ZZEF1: variants seen among roughly 807,000 people sequenced by gnomAD.
ZZEF1 encodes zinc finger ZZ-type and EF-hand domain-containing protein 1.
A neutral mutation model predicts 342.8 loss-of-function variants in ZZEF1; 157 were observed. That is an observed-to-expected ratio of 0.46 (90% CI 0.40 to 0.52). ZZEF1 has a LOEUF of 0.52. ZZEF1 is among the 20% of genes least tolerant of loss of function. ZZEF1 has a pLI of 0.00. For synonymous variants in ZZEF1, 1,505 were observed against 1,429.1 expected, an observed-to-expected ratio of 1.05 and a Z score of -1.20; for missense variants, 3,480 against 3,725.6, an observed-to-expected ratio of 0.93 and a Z score of 1.72.
At chr17:4,111,224 C>CT (rs2058292138) in intron 5 of ZZEF1, among the ~76,000 whole-genome samples, 1 of 151,994 alleles carries the variant, frequency 6.6e-6, no homozygotes, top group African/African-American at 2.4e-5. Context: ...CATACACACA[C>CT]TTACACACAC....
intron 13 of ZZEF1, 35 bp from the exon 14 acceptor site, chr17:4,087,569 GA>G: frequency 1.9e-6 from 3 of 1,549,100 alleles, no homozygotes; most frequent in Non-Finnish European, 1.8e-6. Flanking sequence ...AAATAAAACT[GA>G]AAAATGCATT....
At chr17:4,111,287 A>G (rs2058293661) in intron 5 of ZZEF1, among the ~76,000 whole-genome samples, 1 of 152,204 alleles carries the variant, frequency 6.6e-6, no homozygotes, top group South Asian at 2.1e-4. Context: ...AGGCAATCAT[A>G]GTAACAATCC....
chr17:4,006,442 C>G lies in ZZEF1; in HGVS notation c.*448G>C, dbSNP rs1024615682. The stretch of plus-strand genomic sequence containing the variant: ...TTGGTGTGAAAAGCAAAGAGGTGCT[C>G]CCAGGCTGGGCAGCCACTGGGGGTC... On this transcript the variant is annotated 3_prime_UTR_variant, in exon 55 of 55. Coordinates refer to ENST00000381638, the MANE Select transcript of ZZEF1 (RefSeq NM_015113.4). 1 of 246,600 alleles carries G rather than the reference C, an allele frequency of 4.1e-6. No homozygotes were observed. The allele number at this position is 246,600 out of a possible 1,614,324, so 15.3% of individuals were successfully genotyped here. A position where few individuals can be genotyped will look rare whatever the true frequency, so the allele number is the denominator to read the frequency against.
chr17:4,085,589 T>C, intron 16 of ZZEF1, 81 bp downstream of exon 16: 3 of 1,557,890 alleles, frequency 1.9e-6, no homozygotes, highest in East Asian at 2.3e-5. Flanking sequence ...CAACAGACGA[T>C]ATATTCAGAG....
chr17:4,048,442 C>T (rs139586042), intron 37 of ZZEF1, among the ~76,000 whole-genome samples: 1 of 152,316 alleles, frequency 6.6e-6, no homozygotes, highest in Non-Finnish European at 1.5e-5. Flanking sequence ...ACAGCAACAT[C>T]AGCGACCCCT....
rs1484338807 is a variant in ZZEF1 at position 4,050,764 on chromosome 17, G to A, written c.5863+17C>T. ...CAACTGAGGGCTGGTTTTGGTTTCT[G>A]TGCATTGGGAAGTCACCTTTTCCCT... On this transcript the variant is annotated intron_variant, in intron 36 of 54. Transcript: ENST00000381638. The A allele has an allele frequency of 3.1e-6, 5 of 1,612,634 alleles. No homozygotes were observed. In the African/African-American group the frequency reaches 6.7e-5, roughly 22 times the overall value.
In ZZEF1 at chr17:4,014,089, C is replaced by T; in HGVS notation, c.8413+1G>A. 6.2e-7 allele frequency: 1 copy of T among 1,614,044 alleles called. No individual in the cohort carries two copies. Among genetic ancestry groups the T allele is most frequent in the Non-Finnish European group, 8.5e-7 (1 of 1,179,974 alleles). The stretch of plus-strand genomic sequence containing the variant: ...GTGAACGCAAAGCCCAGAGCACACA[C>T]CTGTCTGGAACCGCCCCAGGTGTCC... On this transcript the variant is annotated splice_donor_variant, in intron 51 of 54. Coordinates refer to ENST00000381638, the MANE Select transcript of ZZEF1 (RefSeq NM_015113.4). LOFTEE classifies it high-confidence loss of function. The surrounding 1 kb of genome is among the most constrained non-coding windows in gnomAD (Gnocchi z 4.4).
At position 4,051,951 on chromosome 17, in the gene ZZEF1, G is replaced by A. The variant is rs545298172; in HGVS notation, c.5600+20C>T. 78 of 1,597,624 alleles carry A rather than the reference G, an allele frequency of 4.9e-5. No homozygotes were observed. Among genetic ancestry groups the A allele is most frequent in the East Asian group, 1.6e-4 (7 of 44,292 alleles). ...ACGTGTAAATAAAAGGCTTGGTGGC[G>A]ACGGTCACTTGAGACATACCCGTAG... On this transcript the variant is annotated intron_variant, in intron 35 of 54. Coordinates refer to ENST00000381638, the MANE Select transcript of ZZEF1 (RefSeq NM_015113.4).
At chr17:4,093,181 G>T (rs145772200) in intron 11 of ZZEF1, among the ~76,000 whole-genome samples, 20 of 152,260 alleles carry the variant, frequency 1.3e-4, no homozygotes, top group Admixed American at 7.2e-4. Flanking sequence ...TTAACAGCAG[G>T]TTTAGGGGAA....
rs750315721 is a variant in ZZEF1, at chr17:4,028,677, CTTTAAA to C, written c.6892+3443_6892+3448del. ...TTTTTAAAAAAAGACAAGAAATCCACTTTAAATGTAAAGACACAGGTAGGTTAAAGT... is the reference window on the plus strand; with the variant it reads ...TTTTTAAAAAAAGACAAGAAATCCACTGTAAAGACACAGGTAGGTTAAAGT... On this transcript the variant is annotated intron_variant, in intron 42 of 54. Coordinates refer to ENST00000381638, the MANE Select transcript of ZZEF1 (RefSeq NM_015113.4). Among the ~76,000 whole-genome samples the C allele has an allele frequency of 7.6e-4, 116 of 152,134 alleles. 1 individual carries two copies. The highest frequency in any genetic ancestry group is 2.3e-3 in the South Asian group (11 of 4,822).
intron 8 of ZZEF1, among the ~76,000 whole-genome samples, chr17:4,103,790 T>G (rs2058165479): frequency 6.6e-6 from 1 of 152,116 alleles, no homozygotes; most frequent in Non-Finnish European, 1.5e-5. Flanking sequence ...TATGCTGGCA[T>G]GCACCTGTGG....
At chr17:4,067,944 G>A (rs1377994296) in intron 26 of ZZEF1, among the ~76,000 whole-genome samples, 2 of 152,042 alleles carry the variant, frequency 1.3e-5, no homozygotes, top group Admixed American at 6.6e-5. Context: ...CAGGCACACC[G>A]GCATGCACCT....
chr17:4,134,944 CTGTA>C (rs1180423565), intron 1 of ZZEF1, among the ~76,000 whole-genome samples: 11 of 152,202 alleles, frequency 7.2e-5, no homozygotes, highest in African/African-American at 2.7e-4. Flanking sequence ...TACATAAAGA[CTGTA>C]TGGCAGATAG....
chr17:4,066,569 T>C (rs977141160), intron 27 of ZZEF1, 29 bp from the exon 28 acceptor site: 9 of 1,606,990 alleles, frequency 5.6e-6, no homozygotes, highest in Non-Finnish European at 7.7e-6. Flanking sequence ...CACATCATTA[T>C]GCTGTCCAGG....
chr17:4,023,981 G>A (rs1234300139), intron 43 of ZZEF1, among the ~76,000 whole-genome samples: 2 of 152,150 alleles, frequency 1.3e-5, no homozygotes, highest in Non-Finnish European at 1.5e-5. Context: ...GGTGTTGAGT[G>A]CCCTCCATGA....
rs1227629564 is a variant in ZZEF1 at position 4,104,554 on chromosome 17, G to T, written c.1573+79C>A. On this transcript the variant is annotated intron_variant, in intron 8 of 54. Coordinates refer to ENST00000381638, the MANE Select transcript of ZZEF1 (RefSeq NM_015113.4). ...ACCCAAAAAGATGAGAAGATACCAG[G>T]AGGTCATATGGCGAAGAATGGTTTT... The T allele has an allele frequency of 4.1e-6, 6 of 1,474,608 alleles. No individual in the cohort carries two copies. The Admixed American group carries it at 5.5e-5, about 14-fold the overall frequency. 91.3% of individuals were successfully genotyped at this position (1,474,608 alleles called of 1,614,324 possible).
chr17:4,060,505 T>C (rs1055849675), intron 30 of ZZEF1, among the ~76,000 whole-genome samples: 2 of 151,924 alleles, frequency 1.3e-5, no homozygotes, highest in African/African-American at 4.8e-5. Flanking sequence ...GCCGGGATCA[T>C]GCCACTGCAC....
At chr17:4,050,707 A>AT (rs2057025275) in intron 36 of ZZEF1, 74 bp downstream of exon 36, 6 of 1,595,866 alleles carry the variant, frequency 3.8e-6, no homozygotes, top group African/African-American at 1.3e-5. Flanking sequence ...TAAGCTTAGT[A>AT]TTTTACATTT....
At chr17:4,048,096 A>C (rs187172911) in intron 37 of ZZEF1, among the ~76,000 whole-genome samples, 26 of 152,340 alleles carry the variant, frequency 1.7e-4, no homozygotes, top group Non-Finnish European at 3.5e-4. Flanking sequence ...GAGGGCTCAC[A>C]AGAAGATACA....
Sources: allele counts gnomAD v4.1 joint callset (sites outside exome capture counted in the v4.1 genomes callset), GRCh38; gene constraint gnomAD v4.1.1; non-coding constraint Gnocchi (gnomAD v3.1); transcripts MANE v1.5; gene names NCBI Gene and HGNC (gene_info 2026-07-23, HGNC 2026-07-21).